The following RAB11FIP4 variants were observed in gnomAD, a reference collection of about 807,000 sequenced individuals.
RAB11FIP4 encodes the protein rab11 family-interacting protein 4.
RAB11FIP4 carries 23 observed loss-of-function variants against 74.3 expected under a neutral mutation model. The ratio of observed to expected loss-of-function variants is 0.31; its 90% CI spans 0.22 to 0.44. The LOEUF (loss-of-function observed/expected upper bound fraction) is 0.44. Ranked by LOEUF, RAB11FIP4 falls within the 20% of genes least tolerant of loss-of-function variation. RAB11FIP4 has a pLI of 1.00. For missense variants in RAB11FIP4, 630 were observed against 863.9 expected (o/e 0.73, Z 3.39); for synonymous variants, 360 against 359.9 (o/e 1.00, Z 0.00).
At chr17:31,451,792 C>T (rs2071529774) in intron 3 of RAB11FIP4, among the ~76,000 whole-genome samples, 1 of 152,104 alleles carries the variant, frequency 6.6e-6, no homozygotes, top group Non-Finnish European at 1.5e-5. Context: ...TCAGAGAAGC[C>T]TTCCCCCACC....
intron 9 of RAB11FIP4, chr17:31,524,822 C>T (rs1489061336): frequency 3.7e-6 from 2 of 541,572 alleles, no homozygotes; most frequent in African/African-American, 1.9e-5. Context: ...GGTGTGGCTG[C>T]AGGGACTGGT....
At chr17:31,416,461 C>T (rs187730333) in intron 1 of RAB11FIP4, among the ~76,000 whole-genome samples, 2 of 152,330 alleles carry the variant, frequency 1.3e-5, no homozygotes, top group East Asian at 3.9e-4. Flanking sequence ...GAAGTTCTTG[C>T]CTGGCTCCCT....
chr17:31,494,390 G>A lies in RAB11FIP4; in HGVS notation c.337-23261G>A, dbSNP rs1224771003. On this transcript the variant is annotated intron_variant, in intron 3 of 14. Transcript: ENST00000621161. ...CGTGGTAAGGCTCAAATATGTAAAT[G>A]TATGAAAAGCACTTAAAACTGTGCT... 2.7e-5 allele frequency among the ~76,000 whole-genome samples: 4 copies of A among 147,074 alleles called. No homozygotes were observed. The East Asian group carries it at 6.0e-4, about 22-fold the overall frequency.
rs774377268 is a variant in RAB11FIP4 at position 31,517,726 on chromosome 17, G to T, written c.412G>T (p.Glu138Ter). ...GGAACCCGGCTTTTTTCCCGAGGAC[G>T]AGGAGGAGGCTATGACGCTGGCGCC... ...PREPGFFPED[E>*]EEAMTLAPPE... Residue 138 changes from glutamate to a stop codon, truncating the protein, a stop_gained, in exon 4 of 15, where the codon GAG (glutamate) becomes TAG (stop). Transcript: ENST00000621161. LOFTEE classifies it high-confidence loss of function. The T allele has an allele frequency of 6.2e-7, 1 of 1,601,062 alleles. No homozygotes were observed. The highest frequency in any genetic ancestry group is 8.5e-7 in the Non-Finnish European group (1 of 1,174,450).
intron 9 of RAB11FIP4, 33 bp downstream of exon 9, chr17:31,524,029 G>A (rs748124830): frequency 4.6e-5 from 69 of 1,502,612 alleles, no homozygotes; most frequent in East Asian, 2.1e-4. Context: ...GGGCTCGGCC[G>A]TGACGCTGGG....
intron 3 of RAB11FIP4, among the ~76,000 whole-genome samples, chr17:31,445,570 ATATATATATTTTTTTTTTTTT>A (rs2071452337): frequency 8.6e-5 from 1 of 11,578 alleles, no homozygotes; most frequent in South Asian, 4.4e-3. Context: ...ATATATATAT[ATATATATATTTTTTTTTTTTT>A]TTTTTTTTTT....
At chr17:31,445,568 ATATATATATATTTTTTTTTTTTTT>A (rs2071451791) in intron 3 of RAB11FIP4, among the ~76,000 whole-genome samples, 2 of 12,664 alleles carry the variant, frequency 1.6e-4, no homozygotes, top group African/African-American at 6.8e-4. Flanking sequence ...ATATATATAT[ATATATATATATTTTTTTTTTTTTT>A]TTTTTTTTTT....
chr17:31,441,563 T>C (rs1444018950), intron 3 of RAB11FIP4, among the ~76,000 whole-genome samples: 3 of 152,058 alleles, frequency 2.0e-5, no homozygotes, highest in Non-Finnish European at 4.4e-5. Context: ...GTCTTGCTCT[T>C]ATTGCCCAGG....
At chr17:31,418,282 G>A (rs1475608071) in intron 1 of RAB11FIP4, among the ~76,000 whole-genome samples, 1 of 152,138 alleles carries the variant, frequency 6.6e-6, no homozygotes, top group Non-Finnish European at 1.5e-5. Context: ...CAGCTACTCA[G>A]GAGGCTGAGG....
chr17:31,517,722 G>A lies in RAB11FIP4; in HGVS notation c.408G>A (p.Glu136=). ...LIPREPGFFP[E]DEEEAMTLAP... is the part of the protein sequence containing the mutation. ...CCAGGGAACCCGGCTTTTTTCCCGA[G>A]GACGAGGAGGAGGCTATGACGCTGG... The change falls in exon 4 of 15, where the codon GAG becomes GAA. Residue 136 remains glutamate, a synonymous_variant. Coordinates refer to ENST00000621161, the MANE Select transcript of RAB11FIP4 (RefSeq NM_032932.6). The A allele has an allele frequency of 1.2e-6, 2 of 1,601,818 alleles. No individual in the cohort carries two copies. The highest frequency in any genetic ancestry group is 1.7e-6 in the Non-Finnish European group (2 of 1,174,864).
chr17:31,406,504 G>A (rs565182824), intron 1 of RAB11FIP4, among the ~76,000 whole-genome samples: 3 of 152,372 alleles, frequency 2.0e-5, no homozygotes, highest in East Asian at 3.9e-4. Flanking sequence ...CTCCAGGCAC[G>A]AGGGTGCTGT....
intron 3 of RAB11FIP4, among the ~76,000 whole-genome samples, chr17:31,444,116 C>G (rs571704625): frequency 2.0e-5 from 3 of 152,206 alleles, no homozygotes; most frequent in Non-Finnish European, 4.4e-5. Context: ...AGCCCACCCT[C>G]GCTTCATTTC....
rs892431840 is a variant in RAB11FIP4 at position 31,531,984 on chromosome 17, A to G, written c.*252A>G. On this transcript the variant is annotated 3_prime_UTR_variant, in exon 15 of 15. Coordinates refer to ENST00000621161, the MANE Select transcript of RAB11FIP4 (RefSeq NM_032932.6). ...GGCCCCTTTGCAAGGGGCAGAGGGT[A>G]CTGGAAGTGGGAGGAGGCAAGGTCT... The G allele has an allele frequency of 4.6e-6, 2 of 431,488 alleles. No homozygotes were observed. The highest frequency in any genetic ancestry group is 4.2e-6 in the Non-Finnish European group (1 of 239,322). 26.7% of individuals were successfully genotyped at this position (431,488 alleles called of 1,614,324 possible).
intron 3 of RAB11FIP4, among the ~76,000 whole-genome samples, chr17:31,506,959 G>A (rs2214251): frequency 0.19 from 28,763 of 152,056 alleles, 3,020 homozygotes; most frequent in East Asian, 0.49. Context: ...CCTCCATACC[G>A]TTGTCCATAA....
chr17:31,446,980 A>G (rs1022901854), intron 3 of RAB11FIP4, among the ~76,000 whole-genome samples: 2 of 152,094 alleles, frequency 1.3e-5, no homozygotes, highest in African/African-American at 2.4e-5. Flanking sequence ...TGAGACCCCC[A>G]TATCTATTAA....
At chr17:31,485,282 G>C (rs566589401) in intron 3 of RAB11FIP4, among the ~76,000 whole-genome samples, 3 of 152,188 alleles carry the variant, frequency 2.0e-5, no homozygotes, top group Non-Finnish European at 2.9e-5. Context: ...TTAAGGACAA[G>C]TACCTGCAGA....
intron 3 of RAB11FIP4, among the ~76,000 whole-genome samples, chr17:31,443,599 A>G (rs554940787): frequency 1.4e-4 from 21 of 146,758 alleles, no homozygotes; most frequent in African/African-American, 4.4e-4. Flanking sequence ...TTACGCACGC[A>G]GTCCCCTGAT....
intron 1 of RAB11FIP4, among the ~76,000 whole-genome samples, chr17:31,413,532 C>T (rs1388245791): frequency 3.3e-5 from 5 of 150,482 alleles, no homozygotes; most frequent in East Asian, 2.0e-4. Flanking sequence ...TCAGACCCTT[C>T]GAGCACCTCT....
chr17:31,465,889 C>T (rs1205490578), intron 3 of RAB11FIP4: 1 of 151,460 alleles, frequency 6.6e-6, no homozygotes, highest in Non-Finnish European at 1.5e-5. Context: ...AATCCCAGCA[C>T]TTTGGGAGGC....
Sources: allele counts gnomAD v4.1 joint callset (sites outside exome capture counted in the v4.1 genomes callset), GRCh38; gene constraint gnomAD v4.1.1; transcripts MANE v1.5; gene names NCBI Gene and HGNC (gene_info 2026-07-23, HGNC 2026-07-21).